Variants in MARCHF1 observed in about 807,000 individuals in gnomAD.
MARCHF1 encodes the protein membrane associated ring-CH-type finger 1, also known as E3 ubiquitin-protein ligase MARCHF1.
MARCHF1 carries 40 observed loss-of-function variants against 54.2 expected under a neutral mutation model. The observed-to-expected ratio is 0.74, with a 90% CI of 0.57 to 0.96. The LOEUF (loss-of-function observed/expected upper bound fraction) is 0.96, where lower values mean the gene tolerates loss of function less well. Ranked by LOEUF, MARCHF1 falls within the 40% of genes least tolerant of loss-of-function variation. The pLI is 0.00. For synonymous variants in MARCHF1, 236 were observed against 236.3 expected, an observed-to-expected ratio of 1.00 and a Z score of 0.01; for missense variants, 586 against 656.5, an observed-to-expected ratio of 0.89 and a Z score of 1.17.
chr4:163,824,174 A>G (rs1748777980), intron 4 of MARCHF1, among the ~76,000 whole-genome samples: 1 of 152,012 alleles, frequency 6.6e-6, no homozygotes, highest in Admixed American at 6.6e-5. Flanking sequence ...GCCATCTTTC[A>G]AAGCTCATAT....
At chr4:164,200,327 C>T (rs535866759) in intron 1 of MARCHF1, among the ~76,000 whole-genome samples, 10 of 152,264 alleles carry the variant, frequency 6.6e-5, no homozygotes, top group East Asian at 1.9e-4. Flanking sequence ...TCAAGGATGG[C>T]GTCAGTCCTA....
intron 4 of MARCHF1, among the ~76,000 whole-genome samples, chr4:163,749,935 G>T (rs557391223): frequency 6.6e-6 from 1 of 152,140 alleles, no homozygotes; most frequent in South Asian, 2.1e-4. Flanking sequence ...CGGGCATGGT[G>T]GTGCATGCCT....
At chr4:163,666,020 C>A (rs754446579) in intron 5 of MARCHF1, among the ~76,000 whole-genome samples, 2 of 152,114 alleles carry the variant, frequency 1.3e-5, no homozygotes, top group African/African-American at 4.8e-5. Context: ...CTAAAATTCT[C>A]CTGTGGGAAG....
At chr4:163,805,370 T>A (rs200961735) in intron 4 of MARCHF1, among the ~76,000 whole-genome samples, 1 of 148,594 alleles carries the variant, frequency 6.7e-6, no homozygotes, top group South Asian at 2.1e-4. Flanking sequence ...TCACTGTCTC[T>A]AAAAAAAAAA....
chr4:163,706,354 C>T (rs111848717), intron 4 of MARCHF1, among the ~76,000 whole-genome samples: 1 of 152,026 alleles, frequency 6.6e-6, no homozygotes, highest in Non-Finnish European at 1.5e-5. Flanking sequence ...GGAGTACATA[C>T]TCTAAACTCT....
chr4:163,596,951 A>G (rs1379660703), intron 7 of MARCHF1, among the ~76,000 whole-genome samples: 1 of 150,668 alleles, frequency 6.6e-6, no homozygotes, highest in Non-Finnish European at 1.5e-5. Context: ...TAATTACCCC[A>G]ATTATTATTA....
intron 4 of MARCHF1, among the ~76,000 whole-genome samples, chr4:163,744,332 C>T (rs1442478701): frequency 3.9e-5 from 6 of 152,152 alleles, no homozygotes; most frequent in Non-Finnish European, 7.4e-5. Context: ...GAAGTCCACA[C>T]ATCCCATGAA....
At chr4:163,620,291 C>T (rs762317450) in intron 5 of MARCHF1, among the ~76,000 whole-genome samples, 4 of 151,434 alleles carry the variant, frequency 2.6e-5, no homozygotes, top group East Asian at 2.0e-4. Context: ...GGAAGCCACG[C>T]GTTGCTATAT....
At chr4:163,775,750 C>T (rs1403642442) in intron 4 of MARCHF1, among the ~76,000 whole-genome samples, 2 of 151,836 alleles carry the variant, frequency 1.3e-5, no homozygotes, top group East Asian at 3.9e-4. Flanking sequence ...AAGGAGAAAA[C>T]AGTGAGCAAA....
chr4:164,165,388 C>G (rs572655484), intron 1 of MARCHF1, among the ~76,000 whole-genome samples: 123 of 152,004 alleles, frequency 8.1e-4, no homozygotes, highest in African/African-American at 2.8e-3. Context: ...CTCTCTGCCT[C>G]TGTCTCTGTC....
intron 5 of MARCHF1, among the ~76,000 whole-genome samples, chr4:163,665,084 T>C (rs561701621): frequency 1.3e-5 from 2 of 152,178 alleles, no homozygotes; most frequent in African/African-American, 4.8e-5. Context: ...GCTGGGTCTA[T>C]CTTAATGTTG....
intron 1 of MARCHF1, among the ~76,000 whole-genome samples, chr4:164,224,037 T>C (rs1732183350): frequency 6.6e-6 from 1 of 150,470 alleles, no homozygotes; most frequent in South Asian, 2.1e-4. Context: ...CATTCTCTTT[T>C]ACAGCATCTT....
At chr4:163,642,276 T>C (rs916320106) in intron 5 of MARCHF1, among the ~76,000 whole-genome samples, 2 of 152,206 alleles carry the variant, frequency 1.3e-5, no homozygotes, top group South Asian at 2.1e-4. Flanking sequence ...GACAGACTTA[T>C]ACATTCTTTT....
chr4:164,261,947 A>G (rs1384569325), intron 1 of MARCHF1, among the ~76,000 whole-genome samples: 2 of 151,692 alleles, frequency 1.3e-5, no homozygotes. Flanking sequence ...AAAAATTTTT[A>G]AAAAGTTAGG....
At chr4:164,003,581 A>T (rs1753227285) in intron 2 of MARCHF1, among the ~76,000 whole-genome samples, 2 of 152,156 alleles carry the variant, frequency 1.3e-5, no homozygotes, top group African/African-American at 4.8e-5. Context: ...TTATGCTAAA[A>T]TAATGAGGTA....
At chr4:164,328,832 A>G (rs924827533) in intron 1 of MARCHF1, among the ~76,000 whole-genome samples, 17 of 152,188 alleles carry the variant, frequency 1.1e-4, no homozygotes, top group African/African-American at 4.1e-4. Flanking sequence ...ACCCGGCCAC[A>G]TGAAATATTT....
chr4:164,357,358 C>G (rs984752275), intron 1 of MARCHF1, among the ~76,000 whole-genome samples: 1 of 152,094 alleles, frequency 6.6e-6, no homozygotes, highest in Non-Finnish European at 1.5e-5. Flanking sequence ...ACTTCATTGT[C>G]TTTCTGCCAT....
intron 5 of MARCHF1, among the ~76,000 whole-genome samples, chr4:163,644,483 G>A (rs76926056): frequency 0.011 from 1,682 of 152,204 alleles, 30 homozygotes; most frequent in African/African-American, 0.038. Context: ...TTCTGTTAAC[G>A]CAAGGACCCA....
chr4:164,321,849 A>T (rs188610904), intron 1 of MARCHF1, among the ~76,000 whole-genome samples: 1 of 152,102 alleles, frequency 6.6e-6, no homozygotes, highest in African/African-American at 2.4e-5. Flanking sequence ...GTAATCTAAT[A>T]TAATTAATTA....
Sources: allele counts gnomAD v4.1 joint callset (sites outside exome capture counted in the v4.1 genomes callset), GRCh38; gene constraint gnomAD v4.1.1; transcripts MANE v1.5; gene names NCBI Gene and HGNC (gene_info 2026-07-23, HGNC 2026-07-21).